Variants in CDK13 observed in about 807,000 individuals in gnomAD.
CDK13 encodes cyclin dependent kinase 13.
CDK13 carries 40 observed loss-of-function variants against 137.6 expected under a neutral mutation model. The ratio of observed to expected loss-of-function variants is 0.29; its 90% confidence interval spans 0.23 to 0.38. The LOEUF (loss-of-function observed/expected upper bound fraction) is 0.38. Ranked by LOEUF, CDK13 falls within the 10% of genes least tolerant of loss-of-function variation. The pLI is 1.00. For missense variants in CDK13, 1,704 were observed against 1,951.8 expected, an observed-to-expected ratio of 0.87 and a Z score of 2.39; for synonymous variants, 869 against 760.1, an observed-to-expected ratio of 1.14 and a Z score of -2.36.
chr7:40,039,332 G>A (rs1488544744), intron 5 of CDK13, among the ~76,000 whole-genome samples: 1 of 151,640 alleles, frequency 6.6e-6, no homozygotes, highest in Non-Finnish European at 1.5e-5. Flanking sequence ...GCAGTGGCAC[G>A]ATTGTGACTC....
At chr7:40,011,330 C>CACATAG (rs1784889750) in intron 5 of CDK13, among the ~76,000 whole-genome samples, 2 of 152,186 alleles carry the variant, frequency 1.3e-5, no homozygotes, top group African/African-American at 4.8e-5. Context: ...TGAGACCATC[C>CACATAG]TGGGCCACAT....
intron 7 of CDK13, chr7:40,062,574 C>T (rs749270905): frequency 4.6e-5 from 17 of 370,612 alleles, no homozygotes; most frequent in Non-Finnish European, 8.5e-5. Flanking sequence ...GCCACCGTGC[C>T]CAGCCTATCA....
chr7:39,986,431 T>G (rs549466823), intron 1 of CDK13: 3 of 152,310 alleles, frequency 2.0e-5, no homozygotes, highest in Admixed American at 6.5e-5. Context: ...GTTTCCAAGA[T>G]TTAGTTTGTC....
At chr7:39,996,491 TA>T (rs1251792865) in intron 2 of CDK13, among the ~76,000 whole-genome samples, 1 of 152,236 alleles carries the variant, frequency 6.6e-6, no homozygotes, top group Non-Finnish European at 1.5e-5. Flanking sequence ...TAATGGAGTT[TA>T]AATTTCAGCT....
chr7:39,983,694 C>T (rs1178335256), intron 1 of CDK13, among the ~76,000 whole-genome samples: 5 of 152,150 alleles, frequency 3.3e-5, no homozygotes, highest in African/African-American at 1.2e-4. Flanking sequence ...TTCTGCTACT[C>T]ATCAGTATCT....
chr7:39,984,837 G>A (rs1784303146), intron 1 of CDK13: 1 of 151,968 alleles, frequency 6.6e-6, no homozygotes, highest in Non-Finnish European at 1.5e-5. Flanking sequence ...AGCCAGGCAT[G>A]GTGCAGGCAT....
At chr7:39,997,143 A>C (rs1784581563) in intron 2 of CDK13, among the ~76,000 whole-genome samples, 1 of 152,116 alleles carries the variant, frequency 6.6e-6, no homozygotes, top group African/African-American at 2.4e-5. Flanking sequence ...TGAAGATACT[A>C]CAGGGACCCT....
chr7:40,004,037 C>T (rs773746536), intron 5 of CDK13, among the ~76,000 whole-genome samples: 31 of 152,182 alleles, frequency 2.0e-4, no homozygotes, highest in Non-Finnish European at 3.5e-4. Context: ...CTGTTTTCTT[C>T]ACTGTTGTGC....
At chr7:39,969,306 C>T (rs1024871910) in intron 1 of CDK13, among the ~76,000 whole-genome samples, 3 of 152,196 alleles carry the variant, frequency 2.0e-5, no homozygotes, top group Non-Finnish European at 2.9e-5. Context: ...GCTACGGCAC[C>T]TAGCCTCAGG....
In CDK13 at chr7:39,950,560, C is replaced by T. The variant is rs1422559726; in HGVS notation, c.-82C>T. On this transcript the variant is annotated 5_prime_UTR_variant, in exon 1 of 14. Coordinates refer to ENST00000181839, the MANE Select transcript of CDK13 (RefSeq NM_003718.5). Reference sequence around the variant, plus strand: ...GCTCGGTGTCCCTCCGCCGCCGCTCCCGTTTCCGGCGGGGGAGATGGCCAG... The same window carrying T: ...GCTCGGTGTCCCTCCGCCGCCGCTCTCGTTTCCGGCGGGGGAGATGGCCAG... 3.1e-6 allele frequency: 4 copies of T among 1,273,350 alleles called. No homozygotes were observed. The highest frequency in any genetic ancestry group is 3.0e-6 in the Non-Finnish European group (3 of 1,010,318). The allele number at this position is 1,273,350 out of a possible 1,614,324, so 78.9% of individuals were successfully genotyped here. A position where few individuals can be genotyped will look rare whatever the true frequency, so the allele number is the denominator to read the frequency against.
chr7:40,004,667 G>A (rs1340710787), intron 5 of CDK13, among the ~76,000 whole-genome samples: 1 of 152,106 alleles, frequency 6.6e-6, no homozygotes, highest in Non-Finnish European at 1.5e-5. Context: ...TCTAGTTAGA[G>A]CATAAAGACA....
rs1315291868 is a variant in CDK13, at chr7:39,972,151, C to G, written c.1212-15448C>G. On this transcript the variant is annotated intron_variant, in intron 1 of 13. Coordinates refer to ENST00000181839, the MANE Select transcript of CDK13 (RefSeq NM_003718.5). ...AAACACAGAATTTATGCTCAGTGGA[C>G]TAGAACATGTTTGCTTGAGCAAATC... Among the ~76,000 whole-genome samples the G allele has an allele frequency of 4.6e-5, 7 of 152,160 alleles. No homozygotes were observed. The East Asian group carries it at 1.2e-3, about 25-fold the overall frequency.
chr7:40,012,703 T>G (rs2116368861), intron 5 of CDK13, among the ~76,000 whole-genome samples: 1 of 152,034 alleles, frequency 6.6e-6, no homozygotes, highest in South Asian at 2.1e-4. Context: ...TCACCTGAGG[T>G]CAGTTCAAGA....
Position 40,093,050 on chromosome 7 carries a change from G to A in CDK13, c.3501G>A (p.Gln1167=), listed in dbSNP as rs770174600. The part of the protein sequence containing the change: ...GGIQPSSQTI[Q]PKVETDAAQA... ...TTCAGCCTTCTTCTCAGACCATCCAGCCTAAAGTGGAGACTGATGCTGCCC... is the reference window on the plus strand; with the variant it reads ...TTCAGCCTTCTTCTCAGACCATCCAACCTAAAGTGGAGACTGATGCTGCCC... The change falls in exon 13 of 14, where the codon CAG becomes CAA. Residue 1167 remains glutamine, a synonymous_variant. Coordinates refer to ENST00000181839, the MANE Select transcript of CDK13 (RefSeq NM_003718.5). The A allele has an allele frequency of 4.9e-5, 79 of 1,614,172 alleles. No individual in the cohort carries two copies. Among genetic ancestry groups the A allele is most frequent in the Non-Finnish European group, 6.6e-5 (78 of 1,180,044 alleles).
At chr7:40,084,793 A>G (rs1176764749) in intron 11 of CDK13, among the ~76,000 whole-genome samples, 1 of 152,216 alleles carries the variant, frequency 6.6e-6, no homozygotes, top group African/African-American at 2.4e-5. Flanking sequence ...AACATACAGT[A>G]CTACCCCATG....
intron 5 of CDK13, among the ~76,000 whole-genome samples, chr7:40,020,257 G>GT (rs1785085173): frequency 2.0e-5 from 3 of 151,946 alleles, no homozygotes; most frequent in African/African-American, 7.3e-5. Context: ...CAGTAGAGAT[G>GT]GGGTTTCTCT....
chr7:40,071,829 T>C (rs1786428431), intron 9 of CDK13: 2 of 152,228 alleles, frequency 1.3e-5, no homozygotes, highest in African/African-American at 2.4e-5. Context: ...ATAAATACTG[T>C]TGTTTTCCTT....
chr7:39,993,734 G>T (rs1784508685), intron 2 of CDK13, among the ~76,000 whole-genome samples: 1 of 151,804 alleles, frequency 6.6e-6, no homozygotes, highest in Non-Finnish European at 1.5e-5. Flanking sequence ...GGATACTTAG[G>T]TTTATAATTA....
chr7:40,001,316 C>T (rs1784680933), intron 4 of CDK13, among the ~76,000 whole-genome samples: 1 of 151,854 alleles, frequency 6.6e-6, no homozygotes, highest in South Asian at 2.1e-4. Flanking sequence ...CAACCTCCAC[C>T]TCCCGGGTTC....
Sources: gnomAD v4.1 joint callset for allele counts (sites outside exome capture counted in the v4.1 genomes callset) on GRCh38, gnomAD v4.1.1 for gene constraint, MANE v1.5 for transcripts, NCBI Gene and HGNC (gene_info 2026-07-23, HGNC 2026-07-21) for gene names.